TET3: variants seen among roughly 807,000 people sequenced by gnomAD.
TET3 encodes methylcytosine dioxygenase TET3.
In TET3, 19 loss-of-function variants were observed where a neutral mutation model predicts 141.4. The observed-to-expected ratio is 0.13, with a 90% confidence interval of 0.09 to 0.20. The LOEUF is 0.20. TET3 is among the 10% of genes least tolerant of loss of function. The pLI, the probability that TET3 is intolerant of heterozygous loss-of-function variation, is 1.00. For synonymous variants in TET3, 1,043 were observed against 980.9 expected (o/e 1.06, Z -1.18); for missense variants, 1,874 against 2,356.9 (o/e 0.80, Z 4.24).
At position 74,019,621 on chromosome 2, in the gene TET3, C is replaced by T. The variant is rs1173330592; in HGVS notation, c.360+16455C>T. Among the ~76,000 whole-genome samples, 11 of 152,256 alleles carry T rather than the reference C, an allele frequency of 7.2e-5. No individual in the cohort carries two copies. In the East Asian group the frequency reaches 2.1e-3, roughly 29 times the overall value. On this transcript the variant is annotated intron_variant, in intron 3 of 11. Transcript: ENST00000409262. ...TGCGGTAAATCCTTTTAATAAACGCCGTGGCATCAGATTGATGAGAGGGAC... is the reference window on the plus strand; with the variant it reads ...TGCGGTAAATCCTTTTAATAAACGCTGTGGCATCAGATTGATGAGAGGGAC...
chr2:74,074,878 G>GT (rs1689410054), intron 5 of TET3, among the ~76,000 whole-genome samples: 1 of 131,638 alleles, frequency 7.6e-6, no homozygotes, highest in Non-Finnish European at 1.6e-5. Flanking sequence ...TGTTTGTTTT[G>GT]TTTGTTTTTT....
In TET3 at chr2:74,105,441, AATC is replaced by A. The variant is rs1691440331; in HGVS notation, c.*3272_*3274del. ...CAAAATAACTGGTGCTAGCTCAAGAAATCATCATCTGACCATCAGAAATCTTGA... is the reference window on the plus strand; with the variant it reads ...CAAAATAACTGGTGCTAGCTCAAGAAATCATCTGACCATCAGAAATCTTGA... On this transcript the variant is annotated 3_prime_UTR_variant, in exon 12 of 12. Coordinates refer to ENST00000409262, the MANE Select transcript of TET3 (RefSeq NM_001287491.2). 2.3e-5 allele frequency: 9 copies of A among 398,510 alleles called. No individual in the cohort carries two copies. The highest frequency in any genetic ancestry group is 1.3e-4 in the Admixed American group (3 of 22,738). 24.7% of individuals were successfully genotyped at this position (398,510 alleles called of 1,614,324 possible). A position where few individuals can be genotyped will look rare whatever the true frequency, so the allele number is the denominator to read the frequency against.
At chr2:74,032,334 GGGA>G (rs1362682656) in intron 3 of TET3, among the ~76,000 whole-genome samples, 2 of 144,488 alleles carry the variant, frequency 1.4e-5, no homozygotes, top group African/African-American at 2.6e-5. Context: ...GCTGTTGGGT[GGGA>G]GGAGTTGTGA....
At chr2:74,084,609 C>T (rs372540011) in intron 6 of TET3, among the ~76,000 whole-genome samples, 196 of 152,250 alleles carry the variant, frequency 1.3e-3, no homozygotes, top group Non-Finnish European at 2.0e-3. Flanking sequence ...CCCACCACCA[C>T]GCCCAGCTAA....
chr2:74,028,031 C>G (rs771347020), intron 3 of TET3, among the ~76,000 whole-genome samples: 3 of 151,778 alleles, frequency 2.0e-5, no homozygotes, highest in Non-Finnish European at 2.9e-5. Context: ...GTCATCTGGG[C>G]TAGAGTGCAG....
intron 4 of TET3, among the ~76,000 whole-genome samples, chr2:74,052,314 T>C (rs1687989195): frequency 6.6e-6 from 1 of 152,174 alleles, no homozygotes. Flanking sequence ...AGAATTTGTC[T>C]TTGTGAATTC....
intron 6 of TET3, among the ~76,000 whole-genome samples, chr2:74,084,774 A>G (rs1690027587): frequency 6.6e-6 from 1 of 152,062 alleles, no homozygotes; most frequent in Non-Finnish European, 1.5e-5. Context: ...CGTTTCTACT[A>G]AAAATACAAA....
At chr2:74,040,852 G>A (rs986275655) in intron 3 of TET3, among the ~76,000 whole-genome samples, 5 of 152,078 alleles carry the variant, frequency 3.3e-5, no homozygotes, top group East Asian at 3.8e-4. Flanking sequence ...CCACGATCGC[G>A]CAACTGCACT....
chr2:74,058,014 TGAA>T (rs1688306264), intron 4 of TET3, among the ~76,000 whole-genome samples: 2 of 152,266 alleles, frequency 1.3e-5, no homozygotes, highest in Middle Eastern at 3.4e-3. Context: ...TCAGGGAAGT[TGAA>T]GAAAACAGTC....
chr2:74,118,304 A>G, the TET3 span, among the ~76,000 whole-genome samples: 1 of 152,248 alleles, frequency 6.6e-6, no homozygotes, highest in African/African-American at 2.4e-5. Context: ...AAGTCATGAC[A>G]TTACAAGAAC....
At chr2:74,021,579 C>G (rs71418715) in intron 3 of TET3, among the ~76,000 whole-genome samples, 25 of 152,214 alleles carry the variant, frequency 1.6e-4, no homozygotes, top group African/African-American at 7.2e-5. Context: ...TTCCCCTCAT[C>G]TGCACTCACC....
intron 3 of TET3, among the ~76,000 whole-genome samples, chr2:74,003,930 A>T (rs1424606553): frequency 6.6e-6 from 1 of 151,988 alleles, no homozygotes; most frequent in Non-Finnish European, 1.5e-5. Flanking sequence ...GAAACCACAG[A>T]TATTCCTCCC....
chr2:73,992,071 G>C (rs1230293486), intron 2 of TET3, among the ~76,000 whole-genome samples: 1 of 152,090 alleles, frequency 6.6e-6, no homozygotes, highest in Non-Finnish European at 1.5e-5. Flanking sequence ...TAAGGCTGGT[G>C]GAAAATGCTG....
At chr2:74,037,825 C>G (rs1451960200) in intron 3 of TET3, among the ~76,000 whole-genome samples, 2 of 152,258 alleles carry the variant, frequency 1.3e-5, no homozygotes, top group Non-Finnish European at 2.9e-5. Context: ...TGTCTTCTCT[C>G]TTCCCTATTT....
At chr2:74,088,557 C>T (rs1428195840) in intron 7 of TET3, among the ~76,000 whole-genome samples, 3 of 152,162 alleles carry the variant, frequency 2.0e-5, no homozygotes, top group Non-Finnish European at 4.4e-5. Flanking sequence ...AGAAGAATCG[C>T]TTGAACTCGG....
At chr2:74,042,128 T>A (rs1014095129) in intron 3 of TET3, among the ~76,000 whole-genome samples, 2 of 152,246 alleles carry the variant, frequency 1.3e-5, no homozygotes, top group Middle Eastern at 3.2e-3. Context: ...CCTTTGAGCA[T>A]GGTCATTTAA....
chr2:74,019,452 C>T (rs1054699037), intron 3 of TET3, among the ~76,000 whole-genome samples: 43 of 152,212 alleles, frequency 2.8e-4, no homozygotes, highest in Non-Finnish European at 1.8e-4. Context: ...TCTTCTGACA[C>T]TTCTGTCCCT....
the TET3 span, chr2:74,123,151 G>GA: frequency 1.3e-5 from 2 of 152,166 alleles, no homozygotes; most frequent in African/African-American, 4.8e-5. Flanking sequence ...TCTGCTTTTG[G>GA]AAAAATGAAG....
chr2:74,009,375 G>A (rs190747134), intron 3 of TET3, among the ~76,000 whole-genome samples: 16 of 152,346 alleles, frequency 1.1e-4, no homozygotes, highest in Non-Finnish European at 1.6e-4. Flanking sequence ...TCTCCCTTGA[G>A]TGTGACCCTT....
Sources: gnomAD v4.1 joint callset for allele counts (sites outside exome capture counted in the v4.1 genomes callset) on GRCh38, gnomAD v4.1.1 for gene constraint, MANE v1.5 for transcripts, NCBI Gene and HGNC (gene_info 2026-07-23, HGNC 2026-07-21) for gene names.